The following NPAS3 variants were observed in gnomAD, a reference collection of about 807,000 sequenced individuals.
The protein encoded by NPAS3 is neuronal PAS domain-containing protein 3.
In NPAS3, 14 loss-of-function variants were observed where a neutral mutation model predicts 73.1. The observed-to-expected ratio is 0.19, with a 90% CI of 0.13 to 0.30. NPAS3 has a LOEUF of 0.30. NPAS3 is among the 10% of genes least tolerant of loss of function. The pLI, the probability that NPAS3 is intolerant of heterozygous loss-of-function variation, is 1.00. For missense variants in NPAS3, 1,096 were observed against 1,250.0 expected, an observed-to-expected ratio of 0.88 and a Z score of 1.86; for synonymous variants, 620 against 541.5, an observed-to-expected ratio of 1.14 and a Z score of -2.01.
At chr14:33,175,996 T>C (rs2045576515) in intron 2 of NPAS3, among the ~76,000 whole-genome samples, 1 of 152,220 alleles carries the variant, frequency 6.6e-6, no homozygotes. Context: ...TATATCCATG[T>C]ATTTATAAAT....
chr14:33,332,631 C>T (rs2044037846), intron 3 of NPAS3, among the ~76,000 whole-genome samples: 1 of 152,206 alleles, frequency 6.6e-6, no homozygotes, highest in Admixed American at 6.5e-5. Flanking sequence ...GGGTAGACAG[C>T]TGTTTGGATG....
intron 9 of NPAS3, among the ~76,000 whole-genome samples, chr14:33,782,971 T>A (rs117880639): frequency 0.016 from 2,495 of 152,318 alleles, 35 homozygotes; most frequent in Non-Finnish European, 0.02. Context: ...CCTGAAGGCG[T>A]CTCATCGCCA....
chr14:33,694,095 A>T (rs934157052), intron 6 of NPAS3, among the ~76,000 whole-genome samples: 16 of 152,164 alleles, frequency 1.1e-4, no homozygotes, highest in Non-Finnish European at 1.9e-4. Flanking sequence ...AATGTTGTCA[A>T]CATGTATCAG....
chr14:33,725,098 T>C (rs2061227803), intron 6 of NPAS3, among the ~76,000 whole-genome samples: 1 of 152,132 alleles, frequency 6.6e-6, no homozygotes, highest in African/African-American at 2.4e-5. Flanking sequence ...CCAAGGCCCC[T>C]AGAACCCCAA....
At chr14:33,355,236 T>C (rs2140363964) in intron 3 of NPAS3, among the ~76,000 whole-genome samples, 1 of 152,328 alleles carries the variant, frequency 6.6e-6, no homozygotes, top group Middle Eastern at 3.4e-3. Flanking sequence ...AGATGCTCTC[T>C]TTTCTCTTAC....
intron 1 of NPAS3, among the ~76,000 whole-genome samples, chr14:33,047,050 T>C (rs1031615976): frequency 2.6e-5 from 4 of 152,100 alleles, no homozygotes; most frequent in Admixed American, 6.5e-5. Flanking sequence ...TATACAGGCC[T>C]TGGGTTTGGA....
intron 4 of NPAS3, among the ~76,000 whole-genome samples, chr14:33,429,225 A>T (rs1366666953): frequency 6.6e-6 from 1 of 152,150 alleles, no homozygotes; most frequent in Non-Finnish European, 1.5e-5. Flanking sequence ...CATATGTAAA[A>T]TACATAATAA....
At chr14:33,264,290 G>A (rs1379194305) in intron 3 of NPAS3, among the ~76,000 whole-genome samples, 1 of 151,952 alleles carries the variant, frequency 6.6e-6, no homozygotes, top group African/African-American at 2.4e-5. Context: ...GGGGAGGGGG[G>A]AAGGATAGCA....
At chr14:33,527,650 A>G (rs1355678944) in intron 4 of NPAS3, among the ~76,000 whole-genome samples, 1 of 152,188 alleles carries the variant, frequency 6.6e-6, no homozygotes, top group African/African-American at 2.4e-5. Context: ...CAGGATTTAT[A>G]TATGAAGTAT....
chr14:33,575,250 T>C (rs968512678), intron 5 of NPAS3, among the ~76,000 whole-genome samples: 2 of 152,230 alleles, frequency 1.3e-5, no homozygotes, highest in Non-Finnish European at 1.5e-5. Context: ...TATTAACTGA[T>C]GATCGAGTCC....
chr14:33,650,670 C>T (rs1009196164), intron 5 of NPAS3, among the ~76,000 whole-genome samples: 8 of 152,234 alleles, frequency 5.3e-5, no homozygotes, highest in African/African-American at 1.9e-4. Context: ...AAGACATCCC[C>T]TCACACAGCT....
intron 3 of NPAS3, among the ~76,000 whole-genome samples, chr14:33,260,221 C>G (rs1017238124): frequency 3.3e-5 from 5 of 152,042 alleles, no homozygotes; most frequent in Non-Finnish European, 5.9e-5. Flanking sequence ...TATGTTTGTA[C>G]CTTGATAGAG....
chr14:33,244,831 TG>T (rs2048325413), intron 3 of NPAS3, among the ~76,000 whole-genome samples: 1 of 152,188 alleles, frequency 6.6e-6, no homozygotes, highest in Non-Finnish European at 1.5e-5. Flanking sequence ...TCAACTTGAG[TG>T]GTCGTGCCTT....
In NPAS3 at chr14:33,102,957, G is replaced by T. The variant is rs1375533446; in HGVS notation, c.140+46963G>T. Reference sequence around the variant, plus strand: ...TTGCATGGAGAACTATTACCTTACAGTATAGCAGTCTGCAGGCATTTAGTA... The same window carrying T: ...TTGCATGGAGAACTATTACCTTACATTATAGCAGTCTGCAGGCATTTAGTA... On this transcript the variant is annotated intron_variant, in intron 2 of 11. Coordinates refer to ENST00000356141, the Ensembl canonical transcript of NPAS3. Among the ~76,000 whole-genome samples, 5 of 152,282 alleles carry T rather than the reference G, an allele frequency of 3.3e-5. No individual in the cohort carries two copies. In the East Asian group the frequency reaches 9.6e-4, roughly 29 times the overall value.
At chr14:33,457,142 G>T (rs1200647444) in intron 4 of NPAS3, among the ~76,000 whole-genome samples, 2 of 152,228 alleles carry the variant, frequency 1.3e-5, no homozygotes, top group Admixed American at 6.5e-5. Context: ...GTGAATTTAG[G>T]TCACACCACA....
At position 33,246,120 on chromosome 14, in the gene NPAS3, T is replaced by C. The variant is rs186143904; in HGVS notation, c.385+30694T>C. On this transcript the variant is annotated intron_variant, in intron 3 of 11. Coordinates refer to ENST00000356141, the Ensembl canonical transcript of NPAS3. ...TGTAACCTCGGGTAAGTTTATGATA[T>C]GCCTCGAGCCTCAATTTCCGTCTCT... 2.6e-5 allele frequency among the ~76,000 whole-genome samples: 4 copies of C among 152,206 alleles called. No homozygotes were observed. The East Asian group carries it at 5.8e-4, about 22-fold the overall frequency.
chr14:33,349,602 AT>A (rs1172843017), intron 3 of NPAS3, among the ~76,000 whole-genome samples: 2 of 150,948 alleles, frequency 1.3e-5, no homozygotes, highest in Non-Finnish European at 3.0e-5. Context: ...CAACTTTTTG[AT>A]TTTTTTTGGC....
chr14:33,800,338 G>A lies in NPAS3; in HGVS notation c.2031G>A (p.Glu677=), dbSNP rs1274351658. The stretch of plus-strand genomic sequence containing the variant: ...CCAACCGGGAGATCTCCAGGAACGA[G>A]TCCCCCTACAGCATGACCAAGCCCC... Residue 677 remains glutamate, a synonymous_variant, in exon 12 of 12, where the codon GAG becomes GAA. Transcript: ENST00000356141. The surrounding 1 kb of genome is among the most constrained non-coding windows in gnomAD (Gnocchi z 6.5). 6.2e-7 allele frequency: 1 copy of A among 1,613,154 alleles called. No homozygotes were observed. Among genetic ancestry groups the A allele is most frequent in the Admixed American group, 1.7e-5 (1 of 59,974 alleles).
chr14:32,959,098 C>G (rs764828833), intron 1 of NPAS3, among the ~76,000 whole-genome samples: 1 of 152,212 alleles, frequency 6.6e-6, no homozygotes, highest in Non-Finnish European at 1.5e-5. Context: ...GTTGGACAAG[C>G]TTGATGTAAG....
Sources: gnomAD v4.1 joint callset for allele counts (sites outside exome capture counted in the v4.1 genomes callset) on GRCh38, gnomAD v4.1.1 for gene constraint, Gnocchi (gnomAD v3.1) non-coding constraint, MANE v1.5 for transcripts, NCBI Gene and HGNC (gene_info 2026-07-23, HGNC 2026-07-21) for gene names.